The following VWA8 variants were observed in gnomAD, a reference collection of about 807,000 sequenced individuals.
VWA8 encodes von Willebrand factor A domain-containing protein 8.
In VWA8, 221 loss-of-function variants were observed where a neutral mutation model predicts 241.5. The observed-to-expected ratio is 0.91, with a 90% confidence interval of 0.82 to 1.02. The LOEUF (loss-of-function observed/expected upper bound fraction) is 1.02. Among genes scored for constraint, VWA8 ranks in the 50% least tolerant of loss-of-function variants. The pLI, the probability that VWA8 is intolerant of heterozygous loss-of-function variation, is 0.00. For synonymous variants in VWA8, 852 were observed against 827.1 expected (o/e 1.03, Z -0.52); for missense variants, 2,322 against 2,328.7 (o/e 1.00, Z 0.06).
intron 8 of VWA8, 106 bp from the exon 9 acceptor site, chr13:41,883,597 T>C (rs952442868): frequency 5.3e-6 from 4 of 757,556 alleles, no homozygotes; most frequent in African/African-American, 1.8e-5. Context: ...AAGTAACCAA[T>C]AGGTGTCTGG....
chr13:41,897,848 G>A (rs547762172), intron 4 of VWA8, among the ~76,000 whole-genome samples: 2 of 152,152 alleles, frequency 1.3e-5, no homozygotes, highest in African/African-American at 4.8e-5. Flanking sequence ...ACCCGAGCGG[G>A]TTGCCACTGC....
chr13:41,679,120 A>G (rs1209627889), intron 35 of VWA8, among the ~76,000 whole-genome samples: 1 of 152,216 alleles, frequency 6.6e-6, no homozygotes, highest in African/African-American at 2.4e-5. Context: ...GTAAATTTCC[A>G]TTACATTTAT....
chr13:41,783,638 A>G lies in VWA8; in HGVS notation c.2277+157T>C, dbSNP rs569959239. On this transcript the variant is annotated intron_variant, in intron 19 of 44. Coordinates refer to ENST00000379310, the MANE Select transcript of VWA8 (RefSeq NM_015058.2). ...GAGTGACAAAGTGAGACTGCATCAC[A>G]GAAAAAAAAAAAAAAAAGATGTTCA... Among the ~76,000 whole-genome samples the G allele has an allele frequency of 4.3e-4, 57 of 132,988 alleles. 1 individual carries two copies. The South Asian group carries it at 0.014, about 31-fold the overall frequency. 87.2% of individuals were successfully genotyped at this position (132,988 alleles called of 152,430 possible). A position where few individuals can be genotyped will look rare whatever the true frequency, so the allele number is the denominator to read the frequency against.
chr13:41,825,061 T>C (rs1329824888), intron 14 of VWA8, among the ~76,000 whole-genome samples: 1 of 152,140 alleles, frequency 6.6e-6, no homozygotes, highest in African/African-American at 2.4e-5. Flanking sequence ...TACTAGTCAA[T>C]TCATCTTCTG....
In VWA8 at chr13:41,570,566, A is replaced by G. The variant is rs768300499; in HGVS notation, c.5511T>C (p.Tyr1837=). The change falls in exon 44 of 45, where the codon TAT becomes TAC. Residue 1837 remains tyrosine, a synonymous_variant. Coordinates refer to ENST00000379310, the MANE Select transcript of VWA8 (RefSeq NM_015058.2). The part of the protein sequence containing the change: ...IVLSDANLSR[Y]GIHPAKFAQI... The stretch of plus-strand genomic sequence containing the variant: ...GAGCAAACTTAGCAGGATGTATTCC[A>G]TATCGTGACAGATTTGCATCACTCA... The G allele has an allele frequency of 7.1e-5, 115 of 1,614,110 alleles. No homozygotes were observed. Among genetic ancestry groups the G allele is most frequent in the Non-Finnish European group, 9.4e-5 (111 of 1,180,046 alleles).
At chr13:41,633,042 C>T (rs572784323) in intron 37 of VWA8, among the ~76,000 whole-genome samples, 16 of 152,206 alleles carry the variant, frequency 1.1e-4, no homozygotes, top group South Asian at 2.1e-4. Flanking sequence ...CAGGTTGCTG[C>T]GCTGGCTCCG....
In VWA8 at chr13:41,949,981, TGTA is replaced by T; in HGVS notation, c.193_195del (p.Tyr65del). The T allele has an allele frequency of 1.9e-6, 3 of 1,596,246 alleles. No homozygotes were observed. Among genetic ancestry groups the T allele is most frequent in the Non-Finnish European group, 2.6e-6 (3 of 1,169,026 alleles). On this transcript the variant is annotated inframe_deletion, in exon 2 of 45. Coordinates refer to ENST00000379310, the MANE Select transcript of VWA8 (RefSeq NM_015058.2). ...TCTGGATTCTTAGGAATTTTCAACT[TGTA>T]GGATACATCTCCAATATTAACTGTA...
chr13:41,603,786 T>C (rs184845407), intron 40 of VWA8, among the ~76,000 whole-genome samples: 1 of 152,300 alleles, frequency 6.6e-6, no homozygotes, highest in Admixed American at 6.5e-5. Flanking sequence ...TTGTGCATAC[T>C]GCTTCCTCTG....
intron 37 of VWA8, among the ~76,000 whole-genome samples, chr13:41,625,039 C>T (rs902298501): frequency 1.3e-5 from 2 of 152,090 alleles, no homozygotes; most frequent in African/African-American, 4.8e-5. Flanking sequence ...TCCAAGCTGA[C>T]GGCCAAATCA....
At chr13:41,681,329 A>T (rs2045096956) in intron 35 of VWA8, among the ~76,000 whole-genome samples, 1 of 152,120 alleles carries the variant, frequency 6.6e-6, no homozygotes, top group Non-Finnish European at 1.5e-5. Flanking sequence ...TCATCCCTAG[A>T]CCTATCAAGA....
chr13:41,716,427 G>C (rs1195209996), intron 26 of VWA8, among the ~76,000 whole-genome samples: 2 of 151,968 alleles, frequency 1.3e-5, no homozygotes, highest in East Asian at 1.9e-4. Flanking sequence ...TGGGAATTTT[G>C]CCAAAGAACA....
At chr13:41,885,396 A>G (rs1167469026) in intron 8 of VWA8, among the ~76,000 whole-genome samples, 3 of 152,176 alleles carry the variant, frequency 2.0e-5, no homozygotes, top group Non-Finnish European at 4.4e-5. Context: ...ATCTGTTTGC[A>G]TTCTCTCTTG....
In VWA8 at chr13:41,816,212, G is replaced by A. The variant is rs1223273707; in HGVS notation, c.1947+486C>T. ...TTAATCATTGAGACCATTTTATGCG[G>A]TAGATGGTACTGTTCCCGTTCCCAT... On this transcript the variant is annotated intron_variant, in intron 16 of 44. Coordinates refer to ENST00000379310, the MANE Select transcript of VWA8 (RefSeq NM_015058.2). 2.6e-5 allele frequency among the ~76,000 whole-genome samples: 4 copies of A among 152,152 alleles called. No individual in the cohort carries two copies. In the East Asian group the frequency reaches 7.7e-4, roughly 29 times the overall value.
intron 14 of VWA8, among the ~76,000 whole-genome samples, chr13:41,828,813 AT>A (rs1871291391): frequency 6.6e-6 from 1 of 151,484 alleles, no homozygotes; most frequent in Non-Finnish European, 1.5e-5. Flanking sequence ...TAGTAATTCA[AT>A]AATATCATAT....
Position 41,887,292 on chromosome 13 carries a change from A to G in VWA8, c.721T>C (p.Leu241=). The G allele has an allele frequency of 1.2e-6, 2 of 1,613,712 alleles. No individual in the cohort carries two copies. Among genetic ancestry groups the G allele is most frequent in the African/African-American group, 1.3e-5 (1 of 75,020 alleles). The part of the protein sequence containing the change: ...RVSENFRVIA[L]GLPVPRYSGN... ...GAATACCTTGGCACTGGCAAGCCCA[A>G]GGCAATCACTCGGAAATTTTCACTA... The change falls in exon 6 of 45, where the codon TTG becomes CTG. Residue 241 remains leucine, a synonymous_variant. Coordinates refer to ENST00000379310, the MANE Select transcript of VWA8 (RefSeq NM_015058.2).
rs1277438059 is a variant in VWA8 at position 41,891,505 on chromosome 13, A to C, written c.566T>G (p.Leu189Trp). The part of the protein sequence containing the change: ...EKAERNVLPV[L>W]NNLLENREMQ... ...CTCTCTGTTTTCCAGCAAGTTGTTC[A>C]AAACAGGCAAAACATTCCTCTCTGC... Residue 189 changes from leucine to tryptophan, a missense_variant, in exon 5 of 45, where the codon TTG becomes TGG. Transcript: ENST00000379310. 1 of 1,614,110 alleles carries C rather than the reference A, an allele frequency of 6.2e-7. No homozygotes were observed. The highest frequency in any genetic ancestry group is 8.5e-7 in the Non-Finnish European group (1 of 1,180,036).
Position 41,761,129 on chromosome 13 carries a change from T to C in VWA8, c.2425A>G (p.Arg809Gly), listed in dbSNP as rs1300203790. Residue 809 changes from arginine (R) to glycine (G), a missense_variant and splice_region_variant, in exon 21 of 45, where the codon AGG (arginine) becomes GGG (glycine). Transcript: ENST00000379310. ...AGGTTGTGGGTCTAATAGTCTTACC[T>C]GTGTAGCTGAATATATTCTCGGGGT... ...NRPREYIQLHRDTTVQTLTLQ... is the reference protein window; with the variant it reads ...NRPREYIQLHGDTTVQTLTLQ... 3 of 1,611,204 alleles carry C rather than the reference T, an allele frequency of 1.9e-6. No homozygotes were observed. The highest frequency in any genetic ancestry group is 1.7e-6 in the Non-Finnish European group (2 of 1,178,144).
intron 17 of VWA8, among the ~76,000 whole-genome samples, chr13:41,805,986 T>C (rs1393962733): frequency 1.6e-5 from 2 of 126,030 alleles, no homozygotes; most frequent in African/African-American, 2.8e-5. Context: ...AAACAAGTCT[T>C]AAAAAATTCA....
chr13:41,792,411 A>G (rs1165206520), intron 17 of VWA8, among the ~76,000 whole-genome samples: 1 of 151,966 alleles, frequency 6.6e-6, no homozygotes, highest in East Asian at 1.9e-4. Context: ...TACATCTTAT[A>G]TACTAAGTTC....
Sources: allele counts gnomAD v4.1 joint callset (sites outside exome capture counted in the v4.1 genomes callset), GRCh38; gene constraint gnomAD v4.1.1; transcripts MANE v1.5; gene names NCBI Gene and HGNC (gene_info 2026-07-23, HGNC 2026-07-21).